Variants in THSD7B observed in about 807,000 individuals in gnomAD.
The protein encoded by THSD7B is thrombospondin type 1 domain containing 7B.
A neutral mutation model predicts 213.6 loss-of-function variants in THSD7B; 138 were observed. The ratio of observed to expected loss-of-function variants is 0.65; its 90% CI spans 0.56 to 0.74. The LOEUF (loss-of-function observed/expected upper bound fraction) is 0.74. Ranked by LOEUF, THSD7B falls within the 30% of genes least tolerant of loss-of-function variation. THSD7B has a pLI of 0.00. For missense variants in THSD7B, 1,931 were observed against 1,991.5 expected, an observed-to-expected ratio of 0.97 and a Z score of 0.58; for synonymous variants, 742 against 687.0, an observed-to-expected ratio of 1.08 and a Z score of -1.25.
intron 14 of THSD7B, among the ~76,000 whole-genome samples, chr2:137,434,799 G>A (rs1205964016): frequency 2.6e-5 from 4 of 152,118 alleles, no homozygotes; most frequent in African/African-American, 4.8e-5. Context: ...CCTGATTCAA[G>A]TCTTGTTCTC....
At chr2:137,383,806 C>T (rs1412515166) in intron 12 of THSD7B, among the ~76,000 whole-genome samples, 1 of 152,092 alleles carries the variant, frequency 6.6e-6, no homozygotes, top group Non-Finnish European at 1.5e-5. Context: ...AGTGTTTTTC[C>T]AGCTCCCTGC....
intron 17 of THSD7B, among the ~76,000 whole-genome samples, chr2:137,589,725 A>G (rs1681823782): frequency 6.6e-6 from 1 of 152,102 alleles, no homozygotes; most frequent in Admixed American, 6.5e-5. Context: ...CTTTTTTCTA[A>G]TGTGTACATG....
intron 14 of THSD7B, among the ~76,000 whole-genome samples, chr2:137,448,788 G>C (rs1427424762): frequency 1.4e-5 from 2 of 148,120 alleles, no homozygotes; most frequent in Non-Finnish European, 3.0e-5. Flanking sequence ...GACAGAGCGA[G>C]ACTCCATCTC....
chr2:136,837,010 T>A (rs1282700102), intron 1 of THSD7B, among the ~76,000 whole-genome samples: 1 of 152,188 alleles, frequency 6.6e-6, no homozygotes, highest in East Asian at 1.9e-4. Flanking sequence ...ACTTTCAAAA[T>A]ATATTCCACA....
At chr2:137,341,137 C>T (rs1182593466) in intron 12 of THSD7B, among the ~76,000 whole-genome samples, 5 of 151,376 alleles carry the variant, frequency 3.3e-5, no homozygotes, top group Non-Finnish European at 7.4e-5. Context: ...TGAGAATAGC[C>T]ATTCTAATAT....
chr2:137,265,482 A>G (rs1244071659), intron 10 of THSD7B, among the ~76,000 whole-genome samples: 3 of 152,218 alleles, frequency 2.0e-5, no homozygotes, highest in Non-Finnish European at 4.4e-5. Context: ...CCAAAGGACT[A>G]TAAATCATGC....
At chr2:136,842,610 T>A (rs540128387) in intron 1 of THSD7B, among the ~76,000 whole-genome samples, 38 of 152,354 alleles carry the variant, frequency 2.5e-4, no homozygotes, top group African/African-American at 8.9e-4. Context: ...CATTTGGAAG[T>A]AAAGCACAAG....
chr2:137,377,427 G>T (rs1477001619), intron 12 of THSD7B, among the ~76,000 whole-genome samples: 1 of 152,032 alleles, frequency 6.6e-6, no homozygotes, highest in Non-Finnish European at 1.5e-5. Flanking sequence ...TAATATAAAT[G>T]GTTTAGAGCA....
intron 2 of THSD7B, among the ~76,000 whole-genome samples, chr2:136,933,181 A>G (rs913179278): frequency 4.4e-5 from 5 of 113,494 alleles, no homozygotes; most frequent in African/African-American, 2.0e-4. Flanking sequence ...TTCAACATTG[A>G]CTGTTTCGTT....
At chr2:137,476,135 G>T (rs1252820794) in intron 15 of THSD7B, among the ~76,000 whole-genome samples, 1 of 151,840 alleles carries the variant, frequency 6.6e-6, no homozygotes, top group African/African-American at 2.4e-5. Context: ...CATGTCCTTT[G>T]CATGCTTTTT....
At chr2:136,857,306 C>T (rs1683192815) in intron 1 of THSD7B, among the ~76,000 whole-genome samples, 1 of 152,174 alleles carries the variant, frequency 6.6e-6, no homozygotes, top group Admixed American at 6.5e-5. Context: ...CATGGCCACC[C>T]TGGACTCAGG....
At chr2:137,094,551 C>G (rs1688004251) in intron 3 of THSD7B, among the ~76,000 whole-genome samples, 1 of 150,496 alleles carries the variant, frequency 6.6e-6, no homozygotes, top group Non-Finnish European at 1.5e-5. Context: ...GAGCAAGACT[C>G]CATCTCTAAA....
chr2:137,082,005 T>G (rs1687755833), intron 3 of THSD7B, among the ~76,000 whole-genome samples: 1 of 152,108 alleles, frequency 6.6e-6, no homozygotes, highest in South Asian at 2.1e-4. Context: ...CTACCAGCTA[T>G]TCCGTCTATA....
chr2:137,644,893 T>A (rs145087745), intron 21 of THSD7B, among the ~76,000 whole-genome samples: 14 of 152,288 alleles, frequency 9.2e-5, no homozygotes, highest in African/African-American at 3.4e-4. Flanking sequence ...TCTGCCAGTG[T>A]CTTATGTGAA....
chr2:137,059,405 G>A (rs994200457), intron 3 of THSD7B, among the ~76,000 whole-genome samples: 3 of 152,034 alleles, frequency 2.0e-5, no homozygotes, highest in Admixed American at 2.0e-4. Flanking sequence ...GTTTACATTA[G>A]GATTCATCCT....
intron 15 of THSD7B, among the ~76,000 whole-genome samples, chr2:137,486,066 G>A (rs952106342): frequency 6.6e-6 from 1 of 152,172 alleles, no homozygotes; most frequent in Non-Finnish European, 1.5e-5. Flanking sequence ...GACCATGAAG[G>A]CTAGGAAGAA....
At chr2:137,167,440 G>A (rs887567505) in intron 6 of THSD7B, among the ~76,000 whole-genome samples, 7 of 151,862 alleles carry the variant, frequency 4.6e-5, no homozygotes, top group Admixed American at 6.6e-5. Context: ...CTTTCTTCAC[G>A]CCTGTCCCAA....
intron 3 of THSD7B, among the ~76,000 whole-genome samples, chr2:137,075,378 C>T (rs1003795093): frequency 6.6e-6 from 1 of 152,176 alleles, no homozygotes. Context: ...TTGATCGCAT[C>T]AGCTACTGAG....
intron 1 of THSD7B, among the ~76,000 whole-genome samples, chr2:136,772,177 C>T (rs545990793): frequency 6.6e-6 from 1 of 152,158 alleles, no homozygotes; most frequent in African/African-American, 2.4e-5. Flanking sequence ...ATAAACCAGA[C>T]TATCCAAAGC....
Sources: allele counts gnomAD v4.1 joint callset (sites outside exome capture counted in the v4.1 genomes callset), GRCh38; gene constraint gnomAD v4.1.1; transcripts MANE v1.5; gene names NCBI Gene and HGNC (gene_info 2026-07-23, HGNC 2026-07-21).